The following PTPRD variants were observed in gnomAD, a reference collection of about 807,000 sequenced individuals.
PTPRD encodes protein tyrosine phosphatase receptor type D, also known as receptor-type tyrosine-protein phosphatase delta.
PTPRD carries 34 observed loss-of-function variants against 214.5 expected under a neutral mutation model. The observed-to-expected ratio is 0.16, with a 90% CI of 0.12 to 0.21. PTPRD has a LOEUF of 0.21. Among genes scored for constraint, PTPRD ranks in the 10% least tolerant of loss-of-function variants. PTPRD has a pLI of 1.00. For missense variants in PTPRD, 2,545 were observed against 2,398.7 expected (o/e 1.06, Z -1.27); for synonymous variants, 1,128 against 845.7 (o/e 1.33, Z -5.79).
intron 8 of PTPRD, among the ~76,000 whole-genome samples, chr9:9,491,735 A>G (rs1240494752): frequency 1.3e-5 from 2 of 152,068 alleles, no homozygotes; most frequent in African/African-American, 4.8e-5. Context: ...AGAGATGAAT[A>G]AAATAAAACC....
chr9:9,878,117 C>G (rs1375357381), intron 5 of PTPRD, among the ~76,000 whole-genome samples: 2 of 152,200 alleles, frequency 1.3e-5, no homozygotes, highest in Middle Eastern at 3.4e-3. Context: ...AGAATTCAAC[C>G]TCTTCTCAGG....
intron 3 of PTPRD, among the ~76,000 whole-genome samples, chr9:10,055,372 A>G (rs1291528380): frequency 1.3e-5 from 2 of 152,162 alleles, no homozygotes; most frequent in African/African-American, 4.8e-5. Context: ...ACTTACGAAT[A>G]GGAGACATTT....
At chr9:8,571,206 T>G (rs1338001094) in intron 14 of PTPRD, among the ~76,000 whole-genome samples, 1 of 152,118 alleles carries the variant, frequency 6.6e-6, no homozygotes, top group Non-Finnish European at 1.5e-5. Flanking sequence ...TTTAACACTT[T>G]CCTACTAATT....
At chr9:8,565,105 G>A (rs1316092747) in intron 14 of PTPRD, among the ~76,000 whole-genome samples, 1 of 152,156 alleles carries the variant, frequency 6.6e-6, no homozygotes, top group African/African-American at 2.4e-5. Context: ...ACGAACATGT[G>A]GCCATGTAAT....
In PTPRD at chr9:10,607,653, A is replaced by C. The variant is rs1046786717; in HGVS notation, c.-600+4745T>G. Among the ~76,000 whole-genome samples, 6 of 152,066 alleles carry C rather than the reference A, an allele frequency of 3.9e-5. No homozygotes were observed. The East Asian group carries it at 7.7e-4, about 20-fold the overall frequency. The stretch of plus-strand genomic sequence containing the variant: ...GCTGCAACTCAAATATTCCTATCAC[A>C]TATAGAAAACAATTGGTCATATTGA... On this transcript the variant is annotated intron_variant, in intron 2 of 45. Transcript: ENST00000381196.
intron 2 of PTPRD, among the ~76,000 whole-genome samples, chr9:10,520,999 A>T (rs1319861534): frequency 6.6e-6 from 1 of 151,844 alleles, no homozygotes; most frequent in African/African-American, 2.4e-5. Context: ...CCTATGGATC[A>T]AGGAGTAAAT....
intron 11 of PTPRD, among the ~76,000 whole-genome samples, chr9:8,998,415 C>G (rs1430194422): frequency 1.3e-5 from 2 of 151,900 alleles, no homozygotes; most frequent in African/African-American, 2.4e-5. Flanking sequence ...AACAACAAAG[C>G]CTGGATGAGA....
intron 9 of PTPRD, among the ~76,000 whole-genome samples, chr9:9,392,035 A>G (rs527818804): frequency 6.6e-6 from 1 of 152,268 alleles, no homozygotes; most frequent in East Asian, 1.9e-4. Flanking sequence ...GAGGTGGTGG[A>G]AAGTACCAAA....
chr9:9,854,300 C>T (rs1305320918), intron 5 of PTPRD, among the ~76,000 whole-genome samples: 3 of 152,080 alleles, frequency 2.0e-5, no homozygotes, highest in Non-Finnish European at 4.4e-5. Flanking sequence ...GGGAACAAGA[C>T]AGAGCTTATC....
At chr9:9,902,727 A>G (rs1376251610) in intron 5 of PTPRD, among the ~76,000 whole-genome samples, 1 of 152,138 alleles carries the variant, frequency 6.6e-6, no homozygotes, top group East Asian at 1.9e-4. Flanking sequence ...AGGTAGGATG[A>G]TAGATACCTT....
At chr9:10,094,765 A>G (rs2098466541) in intron 3 of PTPRD, among the ~76,000 whole-genome samples, 1 of 151,414 alleles carries the variant, frequency 6.6e-6, no homozygotes, top group Non-Finnish European at 1.5e-5. Flanking sequence ...CTGTGATGAC[A>G]GTAAGCTAAT....
At chr9:8,555,903 C>T (rs550955034) in intron 14 of PTPRD, among the ~76,000 whole-genome samples, 1 of 152,128 alleles carries the variant, frequency 6.6e-6, no homozygotes, top group Non-Finnish European at 1.5e-5. Context: ...ATATTGCACC[C>T]TTGGGGAAGC....
chr9:10,335,681 T>C (rs2096832562), intron 3 of PTPRD, among the ~76,000 whole-genome samples: 1 of 151,628 alleles, frequency 6.6e-6, no homozygotes, highest in Non-Finnish European at 1.5e-5. Context: ...AAGAAAATAT[T>C]TGTAAAAGAG....
At chr9:8,591,070 G>T (rs191347290) in intron 14 of PTPRD, among the ~76,000 whole-genome samples, 1 of 152,204 alleles carries the variant, frequency 6.6e-6, no homozygotes, top group Admixed American at 6.5e-5. Context: ...GGCCAGCTGA[G>T]TCTTTCTCAT....
intron 5 of PTPRD, among the ~76,000 whole-genome samples, chr9:9,855,178 C>T (rs2061314271): frequency 6.6e-6 from 1 of 152,050 alleles, no homozygotes; most frequent in Admixed American, 6.6e-5. Context: ...TTTACAAGAG[C>T]AAAGGGTATA....
At chr9:8,718,367 C>A (rs1051019981) in intron 12 of PTPRD, among the ~76,000 whole-genome samples, 4 of 152,108 alleles carry the variant, frequency 2.6e-5, no homozygotes, top group Admixed American at 2.0e-4. Context: ...TCATAATACC[C>A]CTCGTTTCCC....
chr9:9,679,465 C>T (rs1362674248), intron 7 of PTPRD, among the ~76,000 whole-genome samples: 1 of 151,846 alleles, frequency 6.6e-6, no homozygotes, highest in Admixed American at 6.6e-5. Context: ...CCATGTGGCA[C>T]CTGATAGAAT....
chr9:8,820,997 C>T (rs1011629494), intron 11 of PTPRD, among the ~76,000 whole-genome samples: 3 of 152,154 alleles, frequency 2.0e-5, no homozygotes, highest in African/African-American at 4.8e-5. Context: ...GCATATTAGT[C>T]GCACTTGAAA....
intron 5 of PTPRD, among the ~76,000 whole-genome samples, chr9:9,927,776 G>A (rs2084863682): frequency 6.6e-6 from 1 of 151,908 alleles, no homozygotes; most frequent in Non-Finnish European, 1.5e-5. Flanking sequence ...TCTTTCTTTA[G>A]TCATTGAGAG....
Sources: gnomAD v4.1 joint callset for allele counts (sites outside exome capture counted in the v4.1 genomes callset) on GRCh38, gnomAD v4.1.1 for gene constraint, MANE v1.5 for transcripts, NCBI Gene and HGNC (gene_info 2026-07-23, HGNC 2026-07-21) for gene names.